Variants in MARCHF11 observed in about 807,000 individuals in gnomAD.
MARCHF11 encodes the protein E3 ubiquitin-protein ligase MARCHF11.
A neutral mutation model predicts 37.3 loss-of-function variants in MARCHF11; 29 were observed. That is an observed-to-expected ratio of 0.78 (90% CI 0.58 to 1.06). The LOEUF is 1.06. Ranked by LOEUF, MARCHF11 falls within the 50% of genes least tolerant of loss-of-function variation. MARCHF11 has a pLI of 0.00. For missense variants in MARCHF11, 482 were observed against 533.4 expected (o/e 0.90, Z 0.95); for synonymous variants, 233 against 228.0 (o/e 1.02, Z -0.20).
intron 2 of MARCHF11, among the ~76,000 whole-genome samples, chr5:16,173,087 A>T (rs1245413831): frequency 6.6e-6 from 1 of 152,250 alleles, no homozygotes; most frequent in East Asian, 1.9e-4. Context: ...AAAACAGTAT[A>T]GGCCAATAAC....
chr5:16,173,893 T>C (rs1738313096), intron 2 of MARCHF11, among the ~76,000 whole-genome samples: 1 of 152,206 alleles, frequency 6.6e-6, no homozygotes. Context: ...GTCATCTCCT[T>C]TTTGAAGATG....
At chr5:16,137,957 G>A (rs1737634752) in intron 2 of MARCHF11, among the ~76,000 whole-genome samples, 1 of 152,208 alleles carries the variant, frequency 6.6e-6, no homozygotes. Context: ...ACGAAGATAT[G>A]TTTGGAATTG....
chr5:16,124,446 G>A (rs1021862009), intron 2 of MARCHF11, among the ~76,000 whole-genome samples: 2 of 152,116 alleles, frequency 1.3e-5, no homozygotes, highest in Non-Finnish European at 2.9e-5. Context: ...AGAATGTAGT[G>A]GGGACAGGAT....
chr5:16,101,091 T>A (rs966820926), intron 2 of MARCHF11, among the ~76,000 whole-genome samples: 1 of 152,170 alleles, frequency 6.6e-6, no homozygotes, highest in African/African-American at 2.4e-5. Flanking sequence ...AAAAGAATAT[T>A]TATTCCTTCA....
chr5:16,067,794 C>A lies in MARCHF11; in HGVS notation c.887-1G>T. Reference sequence around the variant, plus strand: ...GCAGCTCCTTCATGAACAATGAGACCTAAAATTTGAGAAAATAAAAAACCA... The same window carrying A: ...GCAGCTCCTTCATGAACAATGAGACATAAAATTTGAGAAAATAAAAAACCA... On this transcript the variant is annotated splice_acceptor_variant, in intron 3 of 3. Transcript: ENST00000332432. LOFTEE classifies it high-confidence loss of function. 1 of 1,597,578 alleles carries A rather than the reference C, an allele frequency of 6.3e-7. No homozygotes were observed.
At chr5:16,082,076 C>A (rs1736618274) in intron 3 of MARCHF11, among the ~76,000 whole-genome samples, 1 of 152,228 alleles carries the variant, frequency 6.6e-6, no homozygotes, top group Admixed American at 6.5e-5. Context: ...TAATGGCCTA[C>A]TTCTCAAAGC....
At chr5:16,122,470 T>C (rs1452256718) in intron 2 of MARCHF11, among the ~76,000 whole-genome samples, 1 of 152,174 alleles carries the variant, frequency 6.6e-6, no homozygotes, top group Non-Finnish European at 1.5e-5. Flanking sequence ...CAGAAATAAG[T>C]AATACTTATA....
chr5:16,157,333 GA>G (rs1399118480), intron 2 of MARCHF11, among the ~76,000 whole-genome samples: 1 of 151,448 alleles, frequency 6.6e-6, no homozygotes, highest in African/African-American at 2.4e-5. Flanking sequence ...CACTTAAATA[GA>G]AAAAAAATCC....
intron 2 of MARCHF11, among the ~76,000 whole-genome samples, chr5:16,109,103 TACAC>T (rs3031633): frequency 0.014 from 2,011 of 141,368 alleles, 30 homozygotes; most frequent in African/African-American, 0.04. Context: ...ACATAAGAAA[TACAC>T]ACACACACAC....
Position 16,153,942 on chromosome 5 carries a change from G to A in MARCHF11, c.693+23784C>T, listed in dbSNP as rs1454925151. On this transcript the variant is annotated intron_variant, in intron 2 of 3. Transcript: ENST00000332432. ...CTCACTCCATGGGGAATGTGGATGTGATGTCTGGAGCTAAAGCAGCCATCT... is the reference window on the plus strand; with the variant it reads ...CTCACTCCATGGGGAATGTGGATGTAATGTCTGGAGCTAAAGCAGCCATCT... Among the ~76,000 whole-genome samples the A allele has an allele frequency of 3.9e-5, 6 of 151,918 alleles. No homozygotes were observed. In the East Asian group the frequency reaches 1.2e-3, roughly 29 times the overall value.
At chr5:16,119,286 C>T (rs951313978) in intron 2 of MARCHF11, among the ~76,000 whole-genome samples, 3 of 151,846 alleles carry the variant, frequency 2.0e-5, no homozygotes, top group African/African-American at 7.3e-5. Flanking sequence ...CACTTGAACC[C>T]AGGAGGCGGA....
chr5:16,073,336 T>C (rs1736467575), intron 3 of MARCHF11, among the ~76,000 whole-genome samples: 1 of 152,164 alleles, frequency 6.6e-6, no homozygotes, highest in Non-Finnish European at 1.5e-5. Context: ...ATACAATGCA[T>C]GAATCCTCCT....
intron 3 of MARCHF11, among the ~76,000 whole-genome samples, chr5:16,077,445 G>T (rs1347806061): frequency 6.6e-6 from 1 of 152,012 alleles, no homozygotes; most frequent in Non-Finnish European, 1.5e-5. Flanking sequence ...TATTTTTAAA[G>T]ATCTAAATTG....
At chr5:16,095,472 G>GGAAT (rs1736852206) in intron 2 of MARCHF11, among the ~76,000 whole-genome samples, 1 of 135,628 alleles carries the variant, frequency 7.4e-6, no homozygotes, top group African/African-American at 2.8e-5. Flanking sequence ...AGGGAAGGAA[G>GGAAT]GAAGGAAGGA....
intron 2 of MARCHF11, among the ~76,000 whole-genome samples, chr5:16,096,523 G>A (rs1431402050): frequency 6.6e-6 from 1 of 152,184 alleles, no homozygotes; most frequent in South Asian, 2.1e-4. Flanking sequence ...TGTGTGGGAG[G>A]TTCCGTGTTA....
At chr5:16,101,550 T>C (rs1428777998) in intron 2 of MARCHF11, among the ~76,000 whole-genome samples, 2 of 152,228 alleles carry the variant, frequency 1.3e-5, no homozygotes, top group African/African-American at 4.8e-5. Context: ...TTTTGCCCCA[T>C]ATGAATTAAA....
chr5:16,155,685 A>G (rs1396701106), intron 2 of MARCHF11, among the ~76,000 whole-genome samples: 1 of 151,906 alleles, frequency 6.6e-6, no homozygotes, highest in Non-Finnish European at 1.5e-5. Flanking sequence ...AAAGTAAAAT[A>G]CAATTTTCCT....
chr5:16,075,791 G>C (rs1428125434), intron 3 of MARCHF11, among the ~76,000 whole-genome samples: 1 of 152,178 alleles, frequency 6.6e-6, no homozygotes, highest in African/African-American at 2.4e-5. Context: ...TTAGGGACTG[G>C]GGCCCATAGT....
In MARCHF11 at chr5:16,163,373, AT is replaced by A. The variant is rs1475084525; in HGVS notation, c.693+14352del. On this transcript the variant is annotated intron_variant, in intron 2 of 3. Coordinates refer to ENST00000332432, the MANE Select transcript of MARCHF11 (RefSeq NM_001102562.3). ...ATACTCACAGCAATTCCATCTAGGGATTAAAAAAAACATAATCTCAGACAGC... is the reference window on the plus strand; with the variant it reads ...ATACTCACAGCAATTCCATCTAGGGATAAAAAAAACATAATCTCAGACAGC... 5.3e-5 allele frequency among the ~76,000 whole-genome samples: 8 copies of A among 152,042 alleles called. No homozygotes were observed. In the South Asian group the frequency reaches 1.4e-3, roughly 28 times the overall value.
Sources: allele counts gnomAD v4.1 joint callset (sites outside exome capture counted in the v4.1 genomes callset), GRCh38; gene constraint gnomAD v4.1.1; transcripts MANE v1.5; gene names NCBI Gene and HGNC (gene_info 2026-07-23, HGNC 2026-07-21).